Variants in CFAP69 observed in about 807,000 individuals in gnomAD.
The protein encoded by CFAP69 is cilia- and flagella-associated protein 69.
CFAP69 carries 92 observed loss-of-function variants against 123.0 expected under a neutral mutation model. The observed-to-expected ratio is 0.75, with a 90% CI of 0.63 to 0.89. The LOEUF is 0.89. Ranked by LOEUF, CFAP69 falls within the 40% of genes least tolerant of loss-of-function variation. CFAP69 has a pLI of 0.00. For missense variants in CFAP69, 1,067 were observed against 1,096.9 expected (o/e 0.97, Z 0.39); for synonymous variants, 380 against 364.3 (o/e 1.04, Z -0.49).
chr7:90,282,853 G>A lies in CFAP69; in HGVS notation c.1373-39G>A, dbSNP rs769412675. 73 of 1,398,238 alleles carry A rather than the reference G, an allele frequency of 5.2e-5. 1 individual carries two copies. The Middle Eastern group carries it at 9.5e-4, about 18-fold the overall frequency. The allele number at this position is 1,398,238 out of a possible 1,614,324, so 86.6% of individuals were successfully genotyped here. ...GATATCTGATATATTTGCTTTATTT[G>A]AAATGTTTTTGTTTTAAATTATCAC... is the stretch of plus-strand genomic sequence containing the variant. On this transcript the variant is annotated intron_variant, in intron 12 of 22. Coordinates refer to ENST00000389297, the MANE Select transcript of CFAP69 (RefSeq NM_001039706.3).
chr7:90,273,931 A>T, intron 8 of CFAP69, 56 bp from the exon 9 acceptor site: 2 of 1,321,186 alleles, frequency 1.5e-6, no homozygotes, highest in Non-Finnish European at 2.1e-6. Context: ...TTTTGGAGGG[A>T]CGCAAACATT....
At chr7:90,264,353 A>G (rs1460955248) in intron 4 of CFAP69, among the ~76,000 whole-genome samples, 2 of 151,908 alleles carry the variant, frequency 1.3e-5, no homozygotes, top group Non-Finnish European at 2.9e-5. Context: ...CTTTGGTTAT[A>G]GAAGTTGTGA....
intron 5 of CFAP69, chr7:90,266,129 A>C (rs575569510): frequency 3.0e-4 from 45 of 152,292 alleles, no homozygotes; most frequent in African/African-American, 1.0e-3. Flanking sequence ...TGATGTTCCC[A>C]GCATTATACT....
chr7:90,251,717 G>A (rs1048286848), intron 1 of CFAP69, among the ~76,000 whole-genome samples: 2 of 152,088 alleles, frequency 1.3e-5, no homozygotes, highest in African/African-American at 2.4e-5. Context: ...AAAAGTCTAG[G>A]GAAGGTAGAG....
chr7:90,314,550 G>C (rs1794600048), downstream of CFAP69, among the ~76,000 whole-genome samples: 1 of 151,802 alleles, frequency 6.6e-6, no homozygotes, highest in Admixed American at 6.6e-5. Context: ...GATCAATTGA[G>C]CCCAGGAGGT....
chr7:90,268,980 T>C (rs1799558116), intron 6 of CFAP69: 1 of 151,978 alleles, frequency 6.6e-6, no homozygotes. Context: ...TCTTAAGTTA[T>C]ATGATTCTTA....
At chr7:90,319,674 G>A in the CFAP69 span, 3 of 398,416 alleles carry the variant, frequency 7.5e-6, no homozygotes, top group African/African-American at 6.2e-5. Flanking sequence ...GAAACTCAAA[G>A]TCAGCATTAA....
chr7:90,253,890 C>T (rs1050422046), intron 1 of CFAP69, among the ~76,000 whole-genome samples: 3 of 152,058 alleles, frequency 2.0e-5, no homozygotes, highest in African/African-American at 7.2e-5. Context: ...TTTTGAGGTC[C>T]TACCCAAAAA....
At chr7:90,281,530 G>T (rs1789493020) in intron 12 of CFAP69, among the ~76,000 whole-genome samples, 1 of 152,120 alleles carries the variant, frequency 6.6e-6, no homozygotes, top group African/African-American at 2.4e-5. Flanking sequence ...GAAGGGTGGT[G>T]TTGGGGCAGT....
At chr7:90,247,204 A>G (rs1009527724) in intron 1 of CFAP69, among the ~76,000 whole-genome samples, 3 of 152,232 alleles carry the variant, frequency 2.0e-5, no homozygotes, top group Non-Finnish European at 4.4e-5. Context: ...CCCTAAGTTC[A>G]TGAGAAGTTA....
intron 5 of CFAP69, among the ~76,000 whole-genome samples, 179 bp from the exon 6 acceptor site, chr7:90,268,107 T>C (rs1026330181): frequency 6.6e-6 from 1 of 152,198 alleles, no homozygotes; most frequent in African/African-American, 2.4e-5. Flanking sequence ...GGGTACTGTT[T>C]ATATGTATGT....
Position 90,297,816 on chromosome 7 carries a change from T to C in CFAP69, c.1843T>C (p.Leu615=), listed in dbSNP as rs1226327056. ...FLEKEGIFLL[L]DLLALNQKKF... Reference sequence around the variant, plus strand: ...TGAAAAGGAAGGCATTTTTCTCCTTTTGGATTTGTTAGCAGTAAGTATGGC... The same window carrying C: ...TGAAAAGGAAGGCATTTTTCTCCTTCTGGATTTGTTAGCAGTAAGTATGGC... The change falls in exon 16 of 23, where the codon TTG becomes CTG. Residue 615 remains leucine, a synonymous_variant. Transcript: ENST00000389297. The C allele has an allele frequency of 2.5e-6, 4 of 1,577,316 alleles. No individual in the cohort carries two copies. The highest frequency in any genetic ancestry group is 2.3e-5 in the East Asian group (1 of 43,292).
Position 90,271,646 on chromosome 7 carries a change from T to C in CFAP69, c.653T>C (p.Leu218Pro). Residue 218 changes from leucine (L) to proline (P), a missense_variant, in exon 7 of 23, where the codon CTT becomes CCT. Leu to Pro is a moderately conservative substitution (Grantham distance 98, BLOSUM62 -3). Coordinates refer to ENST00000389297, the MANE Select transcript of CFAP69 (RefSeq NM_001039706.3). ...ENQLVEKLWVLKVLQHLSTSE... is the reference protein window; with the variant it reads ...ENQLVEKLWVPKVLQHLSTSE... ...CAACTTGTTGAGAAACTTTGGGTAC[T>C]TAAAGTTCTGCAGCATCTCTCAACT... 1 of 1,613,666 alleles carries C rather than the reference T, an allele frequency of 6.2e-7. No individual in the cohort carries two copies. The highest frequency in any genetic ancestry group is 8.5e-7 in the Non-Finnish European group (1 of 1,179,658).
At chr7:90,273,489 A>G (rs778919485) in intron 8 of CFAP69, among the ~76,000 whole-genome samples, 1 of 152,192 alleles carries the variant, frequency 6.6e-6, no homozygotes, top group African/African-American at 2.4e-5. Context: ...TATCTGGTAC[A>G]TAGAGGATTA....
chr7:90,246,380 G>A (rs1796328177), intron 1 of CFAP69, among the ~76,000 whole-genome samples: 1 of 152,140 alleles, frequency 6.6e-6, no homozygotes, highest in Non-Finnish European at 1.5e-5. Context: ...TAATGGTGTG[G>A]GGCCACTGTG....
intron 19 of CFAP69, among the ~76,000 whole-genome samples, chr7:90,306,468 G>A (rs1278188531): frequency 6.6e-6 from 1 of 152,146 alleles, no homozygotes; most frequent in Admixed American, 6.5e-5. Context: ...GGGTGGCTGG[G>A]TTCTAGGGTC....
chr7:90,290,743 G>GTCTTTTCTTTTCTTT (rs68042620), intron 15 of CFAP69, among the ~76,000 whole-genome samples: 7 of 121,802 alleles, frequency 5.7e-5, no homozygotes, highest in African/African-American at 1.6e-4. Flanking sequence ...TAGAAACAAT[G>GTCTTTTCTTTTCTTT]TCTTTTCTTT....
intron 21 of CFAP69, 87 bp from the exon 22 acceptor site, chr7:90,309,176 C>A: frequency 1.6e-6 from 1 of 624,252 alleles, no homozygotes; most frequent in Non-Finnish European, 2.7e-6. Context: ...ATAAGCCAGA[C>A]ACAATTAAAT....
intron 18 of CFAP69, chr7:90,304,353 G>C (rs964592204): frequency 8.0e-7 from 1 of 1,252,286 alleles, no homozygotes; most frequent in African/African-American, 1.6e-5. Flanking sequence ...ATAGGATTAA[G>C]GACAGTTAGT....
Sources: gnomAD v4.1 joint callset for allele counts (sites outside exome capture counted in the v4.1 genomes callset) on GRCh38, gnomAD v4.1.1 for gene constraint, MANE v1.5 for transcripts, NCBI Gene and HGNC (gene_info 2026-07-23, HGNC 2026-07-21) for gene names.